Variants in PCDH15 observed in about 807,000 individuals in gnomAD.
The protein encoded by PCDH15 is protocadherin-15.
In PCDH15, 129 loss-of-function variants were observed where a neutral mutation model predicts 178.5. The ratio of observed to expected loss-of-function variants is 0.72; its 90% confidence interval spans 0.63 to 0.84. The LOEUF (loss-of-function observed/expected upper bound fraction) is 0.84, where lower values mean the gene tolerates loss of function less well. PCDH15 is among the 40% of genes least tolerant of loss of function. The probability of loss-of-function intolerance (pLI) is 0.00; values close to 1 mark genes in which losing one functional copy is unlikely to be tolerated. For missense variants in PCDH15, 2,230 were observed against 2,099.9 expected, an observed-to-expected ratio of 1.06 and a Z score of -1.21; for synonymous variants, 800 against 732.0, an observed-to-expected ratio of 1.09 and a Z score of -1.50.
chr10:54,136,455 A>G (rs1398570684), intron 14 of PCDH15, among the ~76,000 whole-genome samples: 1 of 141,376 alleles, frequency 7.1e-6, no homozygotes, highest in Non-Finnish European at 1.5e-5. Context: ...CTTTCTTTCA[A>G]AAGCTAGGCC....
In PCDH15 at chr10:55,071,684, T is replaced by C. The variant is rs530601011; in HGVS notation, c.-80+94892A>G. ...CACCCCACTGTCAACATTAGACAGA[T>C]CAACGAGCCAGAAAGTTAACAAGGA... On this transcript the variant is annotated intron_variant, in intron 2 of 5. Coordinates refer to the PCDH15 transcript ENST00000458638. Among the ~76,000 whole-genome samples, 713 of 152,176 alleles carry C rather than the reference T, an allele frequency of 4.7e-3. 3 individuals carry two copies. Among genetic ancestry groups the C allele is most frequent in the African/African-American group, 0.017 (692 of 41,516 alleles).
chr10:54,467,999 C>T (rs2077645067), intron 3 of PCDH15, among the ~76,000 whole-genome samples: 2 of 152,016 alleles, frequency 1.3e-5, no homozygotes, highest in Admixed American at 1.3e-4. Context: ...TATTTCAGTG[C>T]TATCAGTTGT....
intron 26 of PCDH15, among the ~76,000 whole-genome samples, chr10:53,899,736 AT>A (rs2082201091): frequency 6.6e-6 from 1 of 152,156 alleles, no homozygotes; most frequent in East Asian, 1.9e-4. Flanking sequence ...ACTGGTCCTG[AT>A]TCAGTGCTGT....
At chr10:54,457,749 A>C (rs2076922100) in intron 3 of PCDH15, among the ~76,000 whole-genome samples, 1 of 152,210 alleles carries the variant, frequency 6.6e-6, no homozygotes, top group Non-Finnish European at 1.5e-5. Context: ...AAAATAAAGT[A>C]ATATCAAAAT....
intron 3 of PCDH15, among the ~76,000 whole-genome samples, chr10:54,397,003 T>C (rs1167124447): frequency 6.6e-6 from 1 of 152,134 alleles, no homozygotes; most frequent in Non-Finnish European, 1.5e-5. Flanking sequence ...CAATATTGTG[T>C]CGAACTATGA....
At chr10:54,173,077 C>A (rs1196173947) in intron 13 of PCDH15, among the ~76,000 whole-genome samples, 1 of 152,124 alleles carries the variant, frequency 6.6e-6, no homozygotes, top group African/African-American at 2.4e-5. Flanking sequence ...ATTAGTATTT[C>A]TTCAAATTTA....
intron 3 of PCDH15, among the ~76,000 whole-genome samples, chr10:54,890,724 T>C (rs796813195): frequency 2.8e-4 from 43 of 152,184 alleles, no homozygotes; most frequent in African/African-American, 1.0e-3. Flanking sequence ...AAAATATTTA[T>C]TATTTTTCAG....
chr10:54,035,592 C>T (rs1174562963), intron 18 of PCDH15, among the ~76,000 whole-genome samples: 2 of 151,822 alleles, frequency 1.3e-5, no homozygotes, highest in East Asian at 1.9e-4. Context: ...CTGATTTCTC[C>T]ACCCACTGAC....
At chr10:54,853,366 CATAT>C (rs375046492) in intron 3 of PCDH15, among the ~76,000 whole-genome samples, 2 of 137,090 alleles carry the variant, frequency 1.5e-5, no homozygotes, top group Admixed American at 7.5e-5. Flanking sequence ...TACACACACA[CATAT>C]ATATATACAC....
intron 2 of PCDH15, among the ~76,000 whole-genome samples, chr10:54,945,364 TATAGATAG>T (rs59385596): frequency 2.2e-3 from 320 of 146,154 alleles, no homozygotes; most frequent in African/African-American, 7.2e-3. Flanking sequence ...TAGATAGATA[TATAGATAG>T]ATAGATAGAT....
intron 8 of PCDH15, among the ~76,000 whole-genome samples, chr10:54,278,767 C>T (rs2058497129): frequency 6.6e-6 from 1 of 151,474 alleles, no homozygotes; most frequent in South Asian, 2.1e-4. Flanking sequence ...TGGCAACATG[C>T]TATATGTATA....
intron 2 of PCDH15, among the ~76,000 whole-genome samples, chr10:55,063,026 A>G (rs984495018): frequency 2.6e-5 from 4 of 152,152 alleles, no homozygotes; most frequent in African/African-American, 9.6e-5. Flanking sequence ...CATCATTATG[A>G]GCCCCATATT....
chr10:55,486,520 A>G (rs1346793354), intron 2 of PCDH15, among the ~76,000 whole-genome samples: 1 of 151,632 alleles, frequency 6.6e-6, no homozygotes, highest in Admixed American at 6.6e-5. Flanking sequence ...CACACAATAA[A>G]ATTATGCTTT....
At chr10:53,991,447 G>A (rs1043552565) in intron 21 of PCDH15, among the ~76,000 whole-genome samples, 8 of 152,156 alleles carry the variant, frequency 5.3e-5, no homozygotes, top group Non-Finnish European at 1.2e-4. Context: ...GATTGTAAAT[G>A]CACCAGTCAG....
chr10:54,198,165 T>C (rs994490218), intron 10 of PCDH15, among the ~76,000 whole-genome samples: 8 of 152,120 alleles, frequency 5.3e-5, no homozygotes, highest in Non-Finnish European at 1.0e-4. Flanking sequence ...TCAGTATGGA[T>C]GAGGTCTTTC....
At chr10:53,923,000 T>G (rs2084134741) in intron 25 of PCDH15, among the ~76,000 whole-genome samples, 1 of 152,042 alleles carries the variant, frequency 6.6e-6, no homozygotes, top group Admixed American at 6.6e-5. Context: ...GGCAGGAGAA[T>G]GGTGTGAACG....
At chr10:54,086,109 G>A (rs1019811696) in intron 16 of PCDH15, among the ~76,000 whole-genome samples, 2 of 152,066 alleles carry the variant, frequency 1.3e-5, no homozygotes, top group Non-Finnish European at 2.9e-5. Flanking sequence ...AAGAAAATAA[G>A]TTTATTTGTC....
At chr10:54,886,591 A>G (rs1252344503) in intron 3 of PCDH15, among the ~76,000 whole-genome samples, 1 of 152,222 alleles carries the variant, frequency 6.6e-6, no homozygotes, top group Non-Finnish European at 1.5e-5. Context: ...GTAAAACCAC[A>G]TCTCTACCGA....
chr10:54,901,623 G>A (rs1954641183), intron 2 of PCDH15, among the ~76,000 whole-genome samples: 1 of 151,894 alleles, frequency 6.6e-6, no homozygotes, highest in Admixed American at 6.6e-5. Flanking sequence ...CTAACATGTA[G>A]TCAATGTAAT....
Sources: gnomAD v4.1 joint callset for allele counts (sites outside exome capture counted in the v4.1 genomes callset) on GRCh38, gnomAD v4.1.1 for gene constraint, MANE v1.5 for transcripts, NCBI Gene and HGNC (gene_info 2026-07-23, HGNC 2026-07-21) for gene names.